Variants in APP observed in about 807,000 individuals in gnomAD.
The protein encoded by APP is amyloid beta precursor protein.
Under a neutral mutation model 101.4 loss-of-function variants are expected in APP, and 31 were observed. The observed-to-expected ratio is 0.31, with a 90% confidence interval of 0.23 to 0.41. APP has a LOEUF of 0.41. APP is among the 10% of genes least tolerant of loss of function. The pLI, the probability that APP is intolerant of heterozygous loss-of-function variation, is 1.00. For missense variants in APP, 839 were observed against 1,003.7 expected (o/e 0.84, Z 2.22); for synonymous variants, 366 against 364.4 (o/e 1.00, Z -0.05).
At chr21:26,157,601 C>G (rs1363091427) in intron 1 of APP, among the ~76,000 whole-genome samples, 1 of 152,122 alleles carries the variant, frequency 6.6e-6, no homozygotes, top group Non-Finnish European at 1.5e-5. Flanking sequence ...TTCTATCAGG[C>G]CTACTCAGAA....
chr21:26,095,835 AAT>A (rs1398529843), intron 2 of APP, among the ~76,000 whole-genome samples: 2 of 152,256 alleles, frequency 1.3e-5, no homozygotes, highest in African/African-American at 4.8e-5. Flanking sequence ...ATAATTTGCT[AAT>A]ACAGCAAACA....
At chr21:25,909,502 T>C (rs2146311686) in intron 14 of APP, among the ~76,000 whole-genome samples, 1 of 152,200 alleles carries the variant, frequency 6.6e-6, no homozygotes, top group South Asian at 2.1e-4. Flanking sequence ...TAGCTGCGTG[T>C]TTGTCAAGTA....
intron 11 of APP, among the ~76,000 whole-genome samples, chr21:25,963,601 T>C (rs922720839): frequency 6.6e-6 from 1 of 152,166 alleles, no homozygotes; most frequent in Non-Finnish European, 1.5e-5. Context: ...CTTTCATAAA[T>C]AGGTTCAGAA....
intron 13 of APP, among the ~76,000 whole-genome samples, chr21:25,932,399 C>T (rs1383959183): frequency 6.6e-6 from 1 of 152,122 alleles, no homozygotes; most frequent in East Asian, 1.9e-4. Context: ...CTGGAAAGTA[C>T]GATCCATTCG....
At chr21:26,158,942 G>C (rs1218425822) in intron 1 of APP, among the ~76,000 whole-genome samples, 2 of 152,294 alleles carry the variant, frequency 1.3e-5, no homozygotes, top group East Asian at 3.9e-4. Context: ...TCAAGGCACA[G>C]ACTGAGTTAC....
In APP at chr21:26,117,470, T is replaced by G. The variant is rs2062460187; in HGVS notation, c.58-5324A>C. 2.0e-5 allele frequency among the ~76,000 whole-genome samples: 3 copies of G among 152,290 alleles called. 1 individual carries two copies. Among genetic ancestry groups the G allele is most frequent in the African/African-American group, 7.2e-5 (3 of 41,566 alleles). On this transcript the variant is annotated intron_variant, in intron 1 of 17. Transcript: ENST00000346798. ...CATCTGCAGTTGCTCATTTCATCAC[T>G]AACAGAGAACTGAAATTAAAATCAG...
At chr21:26,027,488 G>C (rs1331017446) in intron 5 of APP, among the ~76,000 whole-genome samples, 1 of 152,244 alleles carries the variant, frequency 6.6e-6, no homozygotes, top group African/African-American at 2.4e-5. Context: ...TGTTTCCGGG[G>C]AGGGAGGGCA....
At chr21:26,147,964 T>G (rs974833289) in intron 1 of APP, among the ~76,000 whole-genome samples, 1 of 152,060 alleles carries the variant, frequency 6.6e-6, no homozygotes, top group African/African-American at 2.4e-5. Context: ...AGATACACAG[T>G]GATTTTCTCC....
At chr21:26,038,624 C>T (rs139130452) in intron 5 of APP, among the ~76,000 whole-genome samples, 3,233 of 152,168 alleles carry the variant, frequency 0.021, 101 homozygotes, top group African/African-American at 0.074. Flanking sequence ...ACTAGCTGGG[C>T]GTGGTGGCAG....
At chr21:26,136,582 A>T (rs1229662536) in intron 1 of APP, among the ~76,000 whole-genome samples, 2 of 152,192 alleles carry the variant, frequency 1.3e-5, no homozygotes, top group Non-Finnish European at 2.9e-5. Flanking sequence ...ATAATCTAAA[A>T]ATATGGATTT....
At chr21:25,948,950 AT>A in intron 13 of APP, among the ~76,000 whole-genome samples, 2 of 152,346 alleles carry the variant, frequency 1.3e-5, no homozygotes, top group Middle Eastern at 6.8e-3. Flanking sequence ...TTTCACTGAA[AT>A]AATGATTCCA....
chr21:26,101,470 C>G (rs1014648879), intron 2 of APP, among the ~76,000 whole-genome samples: 6 of 152,118 alleles, frequency 3.9e-5, no homozygotes, highest in African/African-American at 1.4e-4. Context: ...CAATATGTAA[C>G]TCTTACAACA....
At chr21:25,890,136 T>A (rs2037595813) in intron 17 of APP, among the ~76,000 whole-genome samples, 1 of 152,170 alleles carries the variant, frequency 6.6e-6, no homozygotes, top group Non-Finnish European at 1.5e-5. Context: ...GTGCTCACAC[T>A]CTGATCTATG....
At chr21:25,983,636 A>AT (rs2042524160) in intron 8 of APP, among the ~76,000 whole-genome samples, 1 of 152,230 alleles carries the variant, frequency 6.6e-6, no homozygotes. Context: ...AGTATCTTTC[A>AT]TTTTAAAAAG....
chr21:26,121,784 A>C (rs1183129797), intron 1 of APP, among the ~76,000 whole-genome samples: 2 of 152,248 alleles, frequency 1.3e-5, no homozygotes, highest in Non-Finnish European at 2.9e-5. Context: ...AATATGCTTA[A>C]TGCACAAGTA....
At chr21:26,022,554 T>C (rs2044389498) in intron 5 of APP, among the ~76,000 whole-genome samples, 1 of 152,134 alleles carries the variant, frequency 6.6e-6, no homozygotes, top group Admixed American at 6.5e-5. Context: ...TAAGGCAAAA[T>C]GTTAATCCAG....
At position 25,982,474 on chromosome 21, in the gene APP, G is replaced by C; in HGVS notation, c.1094C>G (p.Pro365Arg). ...ATCAGGGGTACTGGCTGCTGTTGTA[G>C]GAACTATAAAGTAGAAGAGAAGGAG... ...EPLARDPVKL[P>R]TTAASTPDAV... The change falls in exon 9 of 18, where the codon CCT becomes CGT. Residue 365 changes from proline (P) to arginine (R), a missense_variant. Transcript: ENST00000346798. 1 of 1,613,706 alleles carries C rather than the reference G, an allele frequency of 6.2e-7. No individual in the cohort carries two copies. Among genetic ancestry groups the C allele is most frequent in the East Asian group, 2.2e-5 (1 of 44,856 alleles).
At chr21:25,899,574 C>G (rs1472014892) in intron 15 of APP, among the ~76,000 whole-genome samples, 1 of 152,090 alleles carries the variant, frequency 6.6e-6, no homozygotes, top group Non-Finnish European at 1.5e-5. Flanking sequence ...ACTGAGGTCT[C>G]TTAGTAACAG....
chr21:25,955,884 G>A, intron 11 of APP, 129 bp from the exon 12 acceptor site: 10 of 1,350,190 alleles, frequency 7.4e-6, no homozygotes, highest in Non-Finnish European at 1.0e-5. Context: ...CTTTTTGCAG[G>A]TCTGCCTTCT....
Sources: gnomAD v4.1 joint callset for allele counts (sites outside exome capture counted in the v4.1 genomes callset) on GRCh38, gnomAD v4.1.1 for gene constraint, MANE v1.5 for transcripts, NCBI Gene and HGNC (gene_info 2026-07-23, HGNC 2026-07-21) for gene names.